Variants in POLQ observed in about 807,000 individuals in gnomAD.
The protein encoded by POLQ is DNA polymerase theta, also known as epididymis secretory sperm binding protein.
POLQ carries 233 observed loss-of-function variants against 259.2 expected under a neutral mutation model. The ratio of observed to expected loss-of-function variants is 0.90; its 90% CI spans 0.81 to 1.00. POLQ has a LOEUF of 1.00. Among genes scored for constraint, POLQ ranks in the 50% least tolerant of loss-of-function variants. POLQ has a pLI of 0.00. For synonymous variants in POLQ, 1,025 were observed against 1,048.8 expected, an observed-to-expected ratio of 0.98 and a Z score of 0.44; for missense variants, 2,871 against 3,051.6, an observed-to-expected ratio of 0.94 and a Z score of 1.39.
chr3:121,535,597 T>A (rs999530743), intron 5 of POLQ, among the ~76,000 whole-genome samples: 1 of 150,102 alleles, frequency 6.7e-6, no homozygotes, highest in Admixed American at 6.8e-5. Context: ...GCGCCTATAA[T>A]CCCAGCTACT....
rs1372437930 is a variant in POLQ, at chr3:121,467,529, C to T, written c.6957G>A (p.Val2319=). The change falls in exon 24 of 30, where the codon GTG becomes GTA. Residue 2319 remains valine (V), a synonymous_variant. Transcript: ENST00000264233. ...TATCAGCCACCTTACCTGGGAAAGG[C>T]ACAAAGGCATGTCGCATGCTAATTG... ...PFSISMRHAF[V]PFPGGSILAA... is the part of the protein sequence containing the mutation. The T allele has an allele frequency of 6.2e-7, 1 of 1,613,762 alleles. No homozygotes were observed. The highest frequency in any genetic ancestry group is 1.3e-5 in the African/African-American group (1 of 74,918).
chr3:121,495,415 G>A (rs926351455), intron 14 of POLQ, among the ~76,000 whole-genome samples: 4 of 152,170 alleles, frequency 2.6e-5, no homozygotes, highest in African/African-American at 9.7e-5. Context: ...TAGCTGCACT[G>A]TCTTGGAATA....
Position 121,541,414 on chromosome 3 carries a change from G to T in POLQ, c.409C>A (p.Arg137=). 4.3e-6 allele frequency: 7 copies of T among 1,609,454 alleles called. No homozygotes were observed. The highest frequency in any genetic ancestry group is 5.9e-6 in the Non-Finnish European group (7 of 1,176,626). ...LLILKRVLEM[R]KKALFILPFV... ...GGAAGAATAAACAAAGCTTTCTTCC[G>T]CATTTCCAAAACCCGCTTCAAAATA... The change falls in exon 3 of 30, where the codon CGG becomes AGG. Residue 137 remains arginine, a synonymous_variant. Transcript: ENST00000264233.
At chr3:121,476,220 G>A (rs2047924210) in intron 20 of POLQ, among the ~76,000 whole-genome samples, 1 of 152,110 alleles carries the variant, frequency 6.6e-6, no homozygotes, top group Admixed American at 6.6e-5. Context: ...AAATAGCTAT[G>A]CTGTCATGCA....
In POLQ at chr3:121,498,334, G is replaced by GA. The variant is rs199912678; in HGVS notation, c.2153+142dup. 1.5e-3 allele frequency: 772 copies of GA among 515,822 alleles called. 11 individuals carry two copies. Among genetic ancestry groups the GA allele is most frequent in the African/African-American group, 0.012 (576 of 48,512 alleles). The allele number at this position is 515,822 out of a possible 1,614,324, so 32.0% of individuals were successfully genotyped here. ...TCAAAATTAAAAAAAAAAAGAAAAT[G>GA]AAAAAAAAGAAAACTGAAAAATCTT... On this transcript the variant is annotated intron_variant, in intron 13 of 29. Transcript: ENST00000264233.
chr3:121,474,196 T>G (rs979215487), intron 20 of POLQ, among the ~76,000 whole-genome samples: 3 of 152,176 alleles, frequency 2.0e-5, no homozygotes, highest in African/African-American at 7.2e-5. Flanking sequence ...ATGGCTATTG[T>G]CTCATTACAA....
At chr3:121,499,014 G>A (rs2048145929) in intron 12 of POLQ, among the ~76,000 whole-genome samples, 1 of 152,172 alleles carries the variant, frequency 6.6e-6, no homozygotes. Flanking sequence ...CCAGGAGTTT[G>A]AGGCTGCAGT....
chr3:121,459,977 T>C, intron 25 of POLQ, 73 bp downstream of exon 25: 2 of 1,162,080 alleles, frequency 1.7e-6, no homozygotes, highest in South Asian at 1.3e-5. Context: ...CTGCAAATAA[T>C]TGAGACCATT....
rs2108822322 is a variant in POLQ at position 121,541,475 on chromosome 3, A to G, written c.348T>C (p.Pro116=). 6.3e-7 allele frequency: 1 copy of G among 1,595,578 alleles called. No homozygotes were observed. Among genetic ancestry groups the G allele is most frequent in the East Asian group, 2.2e-5 (1 of 44,776 alleles). ...CCACAAGAGTCTTCCCAGCACTTGT[A>G]GGAGCTAAAACATGATTATTCCACA... ...LEGKNLVYSA[P]TSAGKTLVAE... The change falls in exon 3 of 30, where the codon CCT becomes CCC. Residue 116 remains proline (P), a synonymous_variant. Transcript: ENST00000264233.
At position 121,519,042 on chromosome 3, in the gene POLQ, G is replaced by T. The variant is rs1373867287; in HGVS notation, c.1468+829C>A. ...AACAATCATAACTTGCTGATACAAG[G>T]TAAAAAAAAATGAAAAGGTGTTTTT... On this transcript the variant is annotated intron_variant, in intron 9 of 29. Transcript: ENST00000264233. 3.3e-5 allele frequency among the ~76,000 whole-genome samples: 5 copies of T among 151,384 alleles called. No individual in the cohort carries two copies. In the East Asian group the frequency reaches 5.8e-4, roughly 18 times the overall value.
intron 7 of POLQ, among the ~76,000 whole-genome samples, chr3:121,526,086 C>T (rs984953090): frequency 6.6e-6 from 1 of 152,132 alleles, no homozygotes; most frequent in African/African-American, 2.4e-5. Context: ...CTCATGACCC[C>T]TTGATCTACA....
At chr3:121,495,725 T>C (rs889522156) in intron 14 of POLQ, among the ~76,000 whole-genome samples, 2 of 151,244 alleles carry the variant, frequency 1.3e-5, no homozygotes, top group Non-Finnish European at 2.9e-5. Flanking sequence ...GCCGGGCACC[T>C]GTAGTCCCAG....
intron 12 of POLQ, among the ~76,000 whole-genome samples, chr3:121,508,196 GAGA>G (rs2048225664): frequency 6.6e-6 from 1 of 152,010 alleles, no homozygotes; most frequent in African/African-American, 2.4e-5. Context: ...CGAATGGTGA[GAGA>G]AGTATACAAG....
In POLQ at chr3:121,493,581, C is replaced by T. The variant is rs1252138781; in HGVS notation, c.2419G>A (p.Ala807Thr). 1.2e-6 allele frequency: 2 copies of T among 1,613,926 alleles called. No homozygotes were observed. Among genetic ancestry groups the T allele is most frequent in the Non-Finnish European group, 1.7e-6 (2 of 1,179,838 alleles). Residue 807 changes from alanine (A) to threonine (T), a missense_variant, in exon 15 of 30, where the codon GCC becomes ACC. This residue lies in a region of POLQ where 2,080 missense variants were observed against 2,126.0 expected (regional missense o/e 0.98). Coordinates refer to ENST00000264233, the MANE Select transcript of POLQ (RefSeq NM_199420.4). ...AAGCCAGAAGCATAGAGAACCCTGG[C>T]TCTCTGAGCATTTAGTAAGGATACC... The part of the protein sequence containing the change: ...VRVSLLNAQR[A>T]RVLYASGFHT...
At position 121,433,024 on chromosome 3, in the gene POLQ, C is replaced by G. The variant is rs200303341; in HGVS notation, c.7553G>C (p.Arg2518Pro). 4 of 1,595,564 alleles carry G rather than the reference C, an allele frequency of 2.5e-6. No homozygotes were observed. The highest frequency in any genetic ancestry group is 3.4e-6 in the Non-Finnish European group (4 of 1,163,210). ...MLQSDQTGLS[R>P]KRKLQGMFCP... ...GAACATCCCTTGCAGTTTTCTCTTT[C>G]GTGACAATCCTACTTCATGAAAAAG... is the stretch of plus-strand genomic sequence containing the variant. Residue 2518 changes from arginine (R) to proline (P), a missense_variant, in exon 29 of 30, where the codon CGA becomes CCA. This residue lies in a region of POLQ where 2,080 missense variants were observed against 2,126.0 expected (regional missense o/e 0.98). Coordinates refer to ENST00000264233, the MANE Select transcript of POLQ (RefSeq NM_199420.4).
intron 20 of POLQ, among the ~76,000 whole-genome samples, chr3:121,474,251 A>C (rs1015309452): frequency 6.6e-6 from 1 of 152,198 alleles, no homozygotes; most frequent in Non-Finnish European, 1.5e-5. Flanking sequence ...AAAGTCATCT[A>C]GTCCCACCAC....
At chr3:121,485,276 T>A in intron 16 of POLQ, 92 bp from the exon 17 acceptor site, 1 of 821,384 alleles carries the variant, frequency 1.2e-6, no homozygotes, top group Non-Finnish European at 1.8e-6. Flanking sequence ...AACCTATCTT[T>A]GATAGGCAAA....
At position 121,544,919 on chromosome 3, in the gene POLQ, A is replaced by G. The variant is rs1335512932; in HGVS notation, c.164-13T>C. The G allele has an allele frequency of 1.3e-6, 2 of 1,537,120 alleles. No homozygotes were observed. The highest frequency in any genetic ancestry group is 1.4e-5 in the African/African-American group (1 of 71,960). On this transcript the variant is annotated splice_polypyrimidine_tract_variant and intron_variant, in intron 1 of 29. Transcript: ENST00000264233. ...GGCTTGCATTCTCCTTTTAGGAAAAAGAAAAAATTAAAATTTAATTTACTT... is the reference window on the plus strand; with the variant it reads ...GGCTTGCATTCTCCTTTTAGGAAAAGGAAAAAATTAAAATTTAATTTACTT...
chr3:121,445,111 T>C (rs1199251340), intron 26 of POLQ, among the ~76,000 whole-genome samples: 1 of 152,206 alleles, frequency 6.6e-6, no homozygotes, highest in African/African-American at 2.4e-5. Context: ...ATTAGGGTAA[T>C]ACTGGCCTCA....
Sources: gnomAD v4.1 joint callset for allele counts (sites outside exome capture counted in the v4.1 genomes callset) on GRCh38, gnomAD v4.1.1 for gene constraint, gnomAD v4.1.1 regional missense constraint, MANE v1.5 for transcripts, NCBI Gene and HGNC (gene_info 2026-07-23, HGNC 2026-07-21) for gene names.